The following FKTN variants were observed in gnomAD, a reference collection of about 807,000 sequenced individuals.
FKTN encodes the protein ribitol-5-phosphate transferase FKTN.
FKTN carries 47 observed loss-of-function variants against 58.6 expected under a neutral mutation model. The observed-to-expected ratio is 0.80, with a 90% CI of 0.63 to 1.02. FKTN has a LOEUF of 1.02. Ranked by LOEUF, FKTN falls within the 50% of genes least tolerant of loss-of-function variation. The pLI is 0.00. For missense variants in FKTN, 516 were observed against 537.3 expected (o/e 0.96, Z 0.39); for synonymous variants, 178 against 191.9 (o/e 0.93, Z 0.60).
chr9:105,613,804 C>T (rs1471013041), intron 7 of FKTN, among the ~76,000 whole-genome samples: 1 of 152,102 alleles, frequency 6.6e-6, no homozygotes, highest in African/African-American at 2.4e-5. Context: ...ATATCTAGAA[C>T]CAAACATAAT....
In FKTN at chr9:105,562,219, C is replaced by T. The variant is rs573825936; in HGVS notation, c.-181+4054C>T. Among the ~76,000 whole-genome samples, 8 of 152,328 alleles carry T rather than the reference C, an allele frequency of 5.3e-5. No individual in the cohort carries two copies. The South Asian group carries it at 1.4e-3, about 28-fold the overall frequency. ...TTACTTAACAATGATGCTGGCTGTG[C>T]AAAGGAGTTATTACTCAAATCAGTC... On this transcript the variant is annotated intron_variant, in intron 1 of 10. Transcript: ENST00000357998.
In FKTN at chr9:105,564,305, T is replaced by G. The variant is rs182871211; in HGVS notation, c.-181+6140T>G. ...GGAACAAAGCTGGATGGAGAATGACTTCGACAAGTTGAGAGAAGAAGGCTT... is the reference window on the plus strand; with the variant it reads ...GGAACAAAGCTGGATGGAGAATGACGTCGACAAGTTGAGAGAAGAAGGCTT... On this transcript the variant is annotated intron_variant, in intron 1 of 10. Coordinates refer to ENST00000357998, the MANE Select transcript of FKTN (RefSeq NM_001079802.2). Among the ~76,000 whole-genome samples the G allele has an allele frequency of 1.5e-3, 235 of 152,314 alleles. 1 individual carries two copies. Among genetic ancestry groups the G allele is most frequent in the African/African-American group, 5.4e-3 (224 of 41,572 alleles).
intron 1 of FKTN, among the ~76,000 whole-genome samples, chr9:105,565,832 T>C (rs1839474238): frequency 6.6e-6 from 1 of 152,156 alleles, no homozygotes; most frequent in South Asian, 2.1e-4. Flanking sequence ...CCACCCCAAA[T>C]CAACAGAATA....
chr9:105,576,661 A>G (rs1443283374), intron 3 of FKTN, among the ~76,000 whole-genome samples: 1 of 112,034 alleles, frequency 8.9e-6, no homozygotes, highest in East Asian at 2.3e-4. Flanking sequence ...AGCATGATTT[A>G]TAGTCATTTG....
In FKTN at chr9:105,620,039, G is replaced by A. The variant is rs1343750016; in HGVS notation, c.1150G>A (p.Ala384Thr). The A allele has an allele frequency of 1.2e-6, 2 of 1,612,170 alleles. No individual in the cohort carries two copies. The highest frequency in any genetic ancestry group is 2.2e-5 in the South Asian group (2 of 91,060). ...TCACATGTGGAATGGAGGCACTCAG[G>A]CCAAAACAGGAAAAAAATTCAAGTA... Reference protein sequence around the residue: ...TDHMWNGGTQAKTGKKFKYLF... With the variant: ...TDHMWNGGTQTKTGKKFKYLF... Residue 384 changes from alanine to threonine, a missense_variant, in exon 10 of 11, where the codon GCC becomes ACC. Transcript: ENST00000357998.
At chr9:105,622,285 A>G (rs1328490512) in intron 10 of FKTN, among the ~76,000 whole-genome samples, 1 of 151,988 alleles carries the variant, frequency 6.6e-6, no homozygotes. Context: ...TATTTTATAT[A>G]TAGTTCATTC....
chr9:105,572,504 A>G (rs1252532547), intron 1 of FKTN, among the ~76,000 whole-genome samples: 1 of 152,244 alleles, frequency 6.6e-6, no homozygotes, highest in Admixed American at 6.5e-5. Flanking sequence ...TTAAAAGAGA[A>G]TGCTGGTAGA....
chr9:105,567,951 A>T (rs140538650), intron 1 of FKTN, among the ~76,000 whole-genome samples: 41,890 of 152,012 alleles, frequency 0.28, 6,035 homozygotes, highest in Non-Finnish European at 0.31. Flanking sequence ...GAGATATAGA[A>T]CAATGGAACA....
chr9:105,618,865 C>G (rs892875238), intron 9 of FKTN, among the ~76,000 whole-genome samples: 3 of 151,678 alleles, frequency 2.0e-5, no homozygotes, highest in Non-Finnish European at 2.9e-5. Flanking sequence ...GTCAGGAGAT[C>G]GAGACCACAG....
intron 3 of FKTN, among the ~76,000 whole-genome samples, chr9:105,591,263 T>A (rs1844817113): frequency 6.6e-6 from 1 of 152,204 alleles, no homozygotes; most frequent in Non-Finnish European, 1.5e-5. Context: ...TCTTAACTTA[T>A]TCCAACATTA....
intron 5 of FKTN, among the ~76,000 whole-genome samples, chr9:105,604,004 A>G (rs528823319): frequency 6.6e-6 from 1 of 152,222 alleles, no homozygotes; most frequent in East Asian, 1.9e-4. Flanking sequence ...TTCCTGCTAC[A>G]TACTTTGTAT....
intron 10 of FKTN, among the ~76,000 whole-genome samples, chr9:105,629,936 C>T (rs932639759): frequency 5.3e-5 from 8 of 152,080 alleles, no homozygotes; most frequent in South Asian, 2.1e-4. Context: ...AGCAAACTAT[C>T]GCAAGGACAG....
chr9:105,590,437 T>C (rs1588002267), intron 3 of FKTN, among the ~76,000 whole-genome samples: 1 of 152,156 alleles, frequency 6.6e-6, no homozygotes, highest in East Asian at 1.9e-4. Context: ...AACGTGAAAA[T>C]GGACTAATAC....
intron 3 of FKTN, among the ~76,000 whole-genome samples, chr9:105,575,422 GATAA>G (rs895451579): frequency 6.6e-6 from 1 of 152,128 alleles, no homozygotes; most frequent in African/African-American, 2.4e-5. Context: ...TGAACTCAAT[GATAA>G]ATAATTTTGA....
At chr9:105,608,698 C>T (rs1373810044) in intron 7 of FKTN, among the ~76,000 whole-genome samples, 1 of 152,218 alleles carries the variant, frequency 6.6e-6, no homozygotes, top group Non-Finnish European at 1.5e-5. Flanking sequence ...TGTCAAGTGC[C>T]CAAGACCCAC....
At chr9:105,598,551 A>G (rs2132641981) in intron 4 of FKTN, 1 of 152,496 alleles carries the variant, frequency 6.6e-6, no homozygotes, top group Non-Finnish European at 1.5e-5. Context: ...TCTTTTCAAC[A>G]AGATGTTTTT....
chr9:105,568,924 T>C (rs1375224441), intron 1 of FKTN, among the ~76,000 whole-genome samples: 1 of 152,026 alleles, frequency 6.6e-6, no homozygotes, highest in Non-Finnish European at 1.5e-5. Context: ...ATTAAGAAAA[T>C]GTGGCACATA....
At chr9:105,607,119 G>A (rs564655762) in intron 6 of FKTN, among the ~76,000 whole-genome samples, 1 of 152,034 alleles carries the variant, frequency 6.6e-6, no homozygotes, top group South Asian at 2.1e-4. Context: ...ATAAACATGT[G>A]ACAATAGATA....
intron 1 of FKTN, among the ~76,000 whole-genome samples, chr9:105,563,601 G>GT (rs989215548): frequency 6.0e-5 from 9 of 150,896 alleles, no homozygotes; most frequent in African/African-American, 1.7e-4. Context: ...GCGAGGCTGG[G>GT]GGGGGGGGCA....
Sources: gnomAD v4.1 joint callset for allele counts (sites outside exome capture counted in the v4.1 genomes callset) on GRCh38, gnomAD v4.1.1 for gene constraint, MANE v1.5 for transcripts, NCBI Gene and HGNC (gene_info 2026-07-23, HGNC 2026-07-21) for gene names.